The following TRNAU1AP variants were observed in gnomAD, a reference collection of about 807,000 sequenced individuals.
TRNAU1AP encodes tRNA selenocysteine 1 associated protein 1, also known as tRNA selenocysteine 1-associated protein 1.
In TRNAU1AP, 33 loss-of-function variants were observed where a neutral mutation model predicts 43.3. That is an observed-to-expected ratio of 0.76 (90% CI 0.58 to 1.02). TRNAU1AP has a LOEUF of 1.02. TRNAU1AP is among the 50% of genes least tolerant of loss of function. TRNAU1AP has a pLI of 0.00. For synonymous variants in TRNAU1AP, 143 were observed against 129.1 expected (o/e 1.11, Z -0.73); for missense variants, 290 against 362.7 (o/e 0.80, Z 1.63).
chr1:28,563,545 G>A (rs1250418436), intron 4 of TRNAU1AP, among the ~76,000 whole-genome samples: 2 of 152,104 alleles, frequency 1.3e-5, no homozygotes, highest in African/African-American at 4.8e-5. Flanking sequence ...TTAGTTGGGC[G>A]TAGTGGCGGG....
intron 7 of TRNAU1AP, 48 bp downstream of exon 7, chr1:28,571,386 C>A: frequency 6.3e-7 from 1 of 1,583,066 alleles, no homozygotes; most frequent in Non-Finnish European, 8.7e-7. Context: ...TGTTTCTCCT[C>A]TAGAAACAGG....
chr1:28,573,631 G>C lies in TRNAU1AP; in HGVS notation c.727+1731G>C, dbSNP rs575208383. ...GTACTAAAAATAAAAAAATTAGCCA[G>C]GCGTGGTGTTGCGCGCCTATAATCT... On this transcript the variant is annotated intron_variant, in intron 8 of 8. Coordinates refer to ENST00000373830, the MANE Select transcript of TRNAU1AP (RefSeq NM_017846.5). 2.6e-3 allele frequency among the ~76,000 whole-genome samples: 391 copies of C among 152,176 alleles called. 1 individual carries two copies. The highest frequency in any genetic ancestry group is 8.9e-3 in the African/African-American group (370 of 41,548).
intron 2 of TRNAU1AP, among the ~76,000 whole-genome samples, chr1:28,558,293 G>A (rs1276860769): frequency 1.4e-5 from 2 of 143,586 alleles, no homozygotes; most frequent in African/African-American, 5.2e-5. Flanking sequence ...TTGGCTCACT[G>A]CAACCTCTCC....
At chr1:28,565,887 G>A (rs1665526893) in intron 5 of TRNAU1AP, 1 of 152,322 alleles carries the variant, frequency 6.6e-6, no homozygotes, top group South Asian at 2.1e-4. Context: ...GAGTGCAACA[G>A]GTGTGGCTTT....
chr1:28,566,044 C>T (rs959435637), intron 5 of TRNAU1AP, among the ~76,000 whole-genome samples: 4 of 151,876 alleles, frequency 2.6e-5, no homozygotes, highest in Non-Finnish European at 2.9e-5. Flanking sequence ...AGGCTGGGTG[C>T]GGTGGCTCAC....
intron 1 of TRNAU1AP, 191 bp downstream of exon 1, chr1:28,553,328 T>C: frequency 5.3e-6 from 4 of 747,968 alleles, no homozygotes; most frequent in Non-Finnish European, 8.6e-6. Flanking sequence ...CTAGGGGTCC[T>C]GGGGCCCCAC....
At chr1:28,568,795 C>T (rs1332195324) in intron 6 of TRNAU1AP, among the ~76,000 whole-genome samples, 2 of 151,714 alleles carry the variant, frequency 1.3e-5, no homozygotes, top group African/African-American at 4.9e-5. Context: ...GAAACTCTAC[C>T]CTAAGAGTAG....
chr1:28,553,194 G>A, intron 1 of TRNAU1AP, 57 bp downstream of exon 1: 1 of 1,445,102 alleles, frequency 6.9e-7, no homozygotes. Context: ...GGTTTCGCGA[G>A]AGAGGAAGGA....
chr1:28,571,148 C>T, intron 6 of TRNAU1AP, 28 bp from the exon 7 acceptor site: 2 of 1,611,554 alleles, frequency 1.2e-6, no homozygotes, highest in Non-Finnish European at 1.7e-6. Flanking sequence ...TTTGCTTACA[C>T]TTATTTTTGT....
intron 8 of TRNAU1AP, 61 bp downstream of exon 8, chr1:28,571,961 C>T: frequency 2.1e-6 from 3 of 1,420,664 alleles, no homozygotes; most frequent in East Asian, 4.5e-5. Flanking sequence ...GTGGCTGGCA[C>T]TGTGCTCTCA....
chr1:28,571,181 G>A lies in TRNAU1AP; in HGVS notation c.536G>A (p.Arg179His), dbSNP rs755241882. The change falls in exon 7 of 9, where the codon CGT becomes CAT. Residue 179 changes from arginine (R) to histidine (H), a missense_variant. Physicochemically the swap from Arg to His is conservative, Grantham distance 29. Around this residue, in one of 3 missense-constraint regions of TRNAU1AP, gnomAD observed 174 missense variants for 262.1 expected, o/e 0.66. Transcript: ENST00000373830. ...RLSVAIPKAS[R>H]VKPVEYSQMY... ...TGTTTCTGTCTTCATTTAAGGAGCC[G>A]TGTAAAGCCAGTGGAATATAGTCAG... is the stretch of plus-strand genomic sequence containing the variant. The A allele has an allele frequency of 6.8e-6, 11 of 1,613,796 alleles. No individual in the cohort carries two copies. Among genetic ancestry groups the A allele is most frequent in the South Asian group, 2.2e-5 (2 of 91,080 alleles).
rs1230449095 is a variant in TRNAU1AP, at chr1:28,560,550, A to G, written c.126-83A>G. ...CTTGGCCTCCCAAACTGTTGGGATT[A>G]TATGCGTGAGCCATCACGCCTGGCC... On this transcript the variant is annotated intron_variant, in intron 2 of 8. Transcript: ENST00000373830. The G allele has an allele frequency of 5.3e-6, 6 of 1,128,410 alleles. No individual in the cohort carries two copies. The East Asian group carries it at 7.1e-5, about 13-fold the overall frequency. 69.9% of individuals were successfully genotyped at this position (1,128,410 alleles called of 1,614,324 possible).
chr1:28,558,704 A>G (rs1486993517), intron 2 of TRNAU1AP, among the ~76,000 whole-genome samples: 2 of 151,232 alleles, frequency 1.3e-5, no homozygotes, highest in East Asian at 2.0e-4. Context: ...AGCTGGGACT[A>G]TAGGTGCCCG....
chr1:28,573,705 G>A (rs987797969), intron 8 of TRNAU1AP, among the ~76,000 whole-genome samples: 3 of 151,834 alleles, frequency 2.0e-5, no homozygotes, highest in African/African-American at 7.3e-5. Context: ...CCCGGGAGGC[G>A]GAAGTTGCAG....
chr1:28,572,751 G>A (rs896186565), intron 8 of TRNAU1AP, among the ~76,000 whole-genome samples: 4 of 151,070 alleles, frequency 2.6e-5, no homozygotes, highest in Admixed American at 6.6e-5. Flanking sequence ...TGGCTAACAC[G>A]GTGAAACCCC....
At chr1:28,577,297 C>T (rs927522269) in intron 8 of TRNAU1AP, among the ~76,000 whole-genome samples, 9 of 152,202 alleles carry the variant, frequency 5.9e-5, no homozygotes, top group African/African-American at 2.2e-4. Flanking sequence ...TGCAGGCTAA[C>T]AGCTGCCATT....
chr1:28,564,994 G>T, intron 5 of TRNAU1AP, 160 bp downstream of exon 5: 1 of 802,426 alleles, frequency 1.2e-6, no homozygotes, highest in Non-Finnish European at 2.1e-6. Flanking sequence ...AGGTGAGGGA[G>T]AATGCCAGTA....
chr1:28,573,923 G>T (rs1005069868), intron 8 of TRNAU1AP, among the ~76,000 whole-genome samples: 1 of 151,638 alleles, frequency 6.6e-6, no homozygotes, highest in Non-Finnish European at 1.5e-5. Flanking sequence ...GGTGACGAGA[G>T]TGAAACTCCG....
intron 2 of TRNAU1AP, among the ~76,000 whole-genome samples, chr1:28,559,655 G>A (rs375876688): frequency 2.0e-5 from 3 of 151,564 alleles, no homozygotes; most frequent in East Asian, 3.9e-4. Context: ...AGCAAAACTC[G>A]GTCTCAGAAA....
Sources: allele counts gnomAD v4.1 joint callset (sites outside exome capture counted in the v4.1 genomes callset), GRCh38; gene constraint gnomAD v4.1.1; regional missense constraint gnomAD v4.1.1; transcripts MANE v1.5; gene names NCBI Gene and HGNC (gene_info 2026-07-23, HGNC 2026-07-21).